Variants in NCKAP5 observed in about 807,000 individuals in gnomAD.
NCKAP5 encodes the protein nck-associated protein 5.
A neutral mutation model predicts 167.0 loss-of-function variants in NCKAP5; 92 were observed. That is an observed-to-expected ratio of 0.55 (90% CI 0.47 to 0.66). NCKAP5 has a LOEUF of 0.66. Among genes scored for constraint, NCKAP5 ranks in the 30% least tolerant of loss-of-function variants. NCKAP5 has a pLI of 0.00. For synonymous variants in NCKAP5, 891 were observed against 877.4 expected (o/e 1.02, Z -0.27); for missense variants, 2,378 against 2,315.0 (o/e 1.03, Z -0.56).
intron 3 of NCKAP5, among the ~76,000 whole-genome samples, chr2:133,367,368 A>C (rs1388399766): frequency 6.6e-6 from 1 of 152,206 alleles, no homozygotes; most frequent in Admixed American, 6.5e-5. Flanking sequence ...GAGTGACTTG[A>C]ATTTCATCTC....
At chr2:133,370,929 GA>G (rs1461667155) in intron 3 of NCKAP5, among the ~76,000 whole-genome samples, 2 of 152,158 alleles carry the variant, frequency 1.3e-5, no homozygotes, top group Admixed American at 1.3e-4. Context: ...TTATTGACCT[GA>G]AAGTTACAAA....
intron 2 of NCKAP5, among the ~76,000 whole-genome samples, chr2:133,538,269 C>T (rs1313967349): frequency 1.3e-5 from 2 of 152,160 alleles, no homozygotes; most frequent in Non-Finnish European, 2.9e-5. Context: ...ATTGTGGTTA[C>T]TTTGTCTTTT....
rs77858104 is a variant in NCKAP5 at position 133,242,972 on chromosome 2, A to G, written c.144-29193T>C. Among the ~76,000 whole-genome samples, 630 of 152,314 alleles carry G rather than the reference A, an allele frequency of 4.1e-3. 4 individuals carry two copies. The highest frequency in any genetic ancestry group is 0.014 in the African/African-American group (600 of 41,566). On this transcript the variant is annotated intron_variant, in intron 4 of 19. Transcript: ENST00000409261. ...ATGTACAGTTTATGTCACAAAATAA[A>G]AAGAAAGACTTCCTCATAATCATGT...
chr2:133,177,266 A>G (rs530539390), intron 5 of NCKAP5, among the ~76,000 whole-genome samples: 3 of 151,858 alleles, frequency 2.0e-5, no homozygotes, highest in Non-Finnish European at 4.4e-5. Context: ...ACAATGACTC[A>G]GGCCCTACAG....
At chr2:132,712,137 C>T (rs1688902843) in intron 19 of NCKAP5, among the ~76,000 whole-genome samples, 1 of 152,204 alleles carries the variant, frequency 6.6e-6, no homozygotes. Context: ...CCTCACAGAA[C>T]TGTATGACCT....
chr2:133,236,847 C>T (rs1266450032), intron 4 of NCKAP5, among the ~76,000 whole-genome samples: 3 of 152,008 alleles, frequency 2.0e-5, no homozygotes, highest in Non-Finnish European at 4.4e-5. Context: ...GAAGCTGTCC[C>T]GAAAGTAGGA....
At chr2:133,057,141 AC>A (rs1466451270) in intron 6 of NCKAP5, among the ~76,000 whole-genome samples, 4 of 152,238 alleles carry the variant, frequency 2.6e-5, no homozygotes, top group South Asian at 2.1e-4. Context: ...TAATCAATAA[AC>A]GTGTGTTCTG....
At chr2:133,246,889 T>C (rs1016619530) in intron 4 of NCKAP5, among the ~76,000 whole-genome samples, 2 of 152,124 alleles carry the variant, frequency 1.3e-5, no homozygotes, top group Non-Finnish European at 2.9e-5. Context: ...CCTCCCCAGG[T>C]TGTGCTTCAG....
intron 16 of NCKAP5, among the ~76,000 whole-genome samples, chr2:132,768,784 C>T (rs1477072569): frequency 1.1e-4 from 16 of 151,350 alleles, no homozygotes; most frequent in Middle Eastern, 3.4e-3. Context: ...GGACTACAGG[C>T]GCCCGCCACC....
chr2:133,449,602 G>A (rs376444029), intron 3 of NCKAP5, among the ~76,000 whole-genome samples: 20 of 152,182 alleles, frequency 1.3e-4, no homozygotes, highest in African/African-American at 4.3e-4. Context: ...ACCCTAAGGC[G>A]TGACGGTTCC....
intron 9 of NCKAP5, among the ~76,000 whole-genome samples, chr2:132,876,418 A>C (rs113120111): frequency 3.3e-5 from 5 of 152,270 alleles, no homozygotes; most frequent in African/African-American, 1.2e-4. Context: ...TTAAATTTAC[A>C]TTTATCCACC....
intron 3 of NCKAP5, among the ~76,000 whole-genome samples, chr2:133,516,486 C>G (rs1367192817): frequency 2.0e-5 from 3 of 152,186 alleles, no homozygotes; most frequent in African/African-American, 7.2e-5. Flanking sequence ...AAATGCTTAA[C>G]ACAATCCTCT....
chr2:133,249,185 T>C (rs1010240630), intron 4 of NCKAP5, among the ~76,000 whole-genome samples: 16 of 152,248 alleles, frequency 1.1e-4, no homozygotes, highest in African/African-American at 3.6e-4. Flanking sequence ...TTTGCAGGTG[T>C]AACTAAGTTA....
intron 6 of NCKAP5, among the ~76,000 whole-genome samples, chr2:133,013,912 T>C (rs547084465): frequency 6.6e-6 from 1 of 152,312 alleles, no homozygotes; most frequent in Non-Finnish European, 1.5e-5. Flanking sequence ...AACTGCTTTC[T>C]CTTTCCCATC....
chr2:133,664,237 T>C, the NCKAP5 span, among the ~76,000 whole-genome samples: 41 of 152,276 alleles, frequency 2.7e-4, no homozygotes, highest in African/African-American at 9.9e-4. Context: ...AGATACACTG[T>C]CATTCAGACT....
intron 3 of NCKAP5, among the ~76,000 whole-genome samples, chr2:133,361,213 G>A (rs927383817): frequency 2.0e-5 from 3 of 152,170 alleles, no homozygotes; most frequent in African/African-American, 7.2e-5. Context: ...GATCTCCAGT[G>A]GCTTTGGAAT....
At chr2:133,048,327 G>T (rs1002032755) in intron 6 of NCKAP5, among the ~76,000 whole-genome samples, 3 of 152,140 alleles carry the variant, frequency 2.0e-5, no homozygotes, top group Non-Finnish European at 4.4e-5. Flanking sequence ...CAGAGTTTTG[G>T]GGACAATTAA....
intron 3 of NCKAP5, among the ~76,000 whole-genome samples, chr2:133,409,450 A>G (rs1688643018): frequency 6.6e-6 from 1 of 152,242 alleles, no homozygotes; most frequent in African/African-American, 2.4e-5. Flanking sequence ...ATAGGAATCA[A>G]GATTCAGGTG....
intron 19 of NCKAP5, among the ~76,000 whole-genome samples, chr2:132,716,975 A>G (rs191754193): frequency 1.3e-5 from 2 of 152,276 alleles, no homozygotes; most frequent in East Asian, 3.9e-4. Flanking sequence ...TGTTTATGAC[A>G]CTTCTCCTCA....
Sources: gnomAD v4.1 joint callset for allele counts (sites outside exome capture counted in the v4.1 genomes callset) on GRCh38, gnomAD v4.1.1 for gene constraint, MANE v1.5 for transcripts, NCBI Gene and HGNC (gene_info 2026-07-23, HGNC 2026-07-21) for gene names.